The following SVOP variants were observed in gnomAD, a reference collection of about 807,000 sequenced individuals.
The protein encoded by SVOP is synaptic vesicle 2-related protein.
Under a neutral mutation model 69.1 loss-of-function variants are expected in SVOP, and 17 were observed. The observed-to-expected ratio is 0.25, with a 90% CI of 0.17 to 0.37. SVOP has a LOEUF of 0.37. SVOP is among the 10% of genes least tolerant of loss of function. SVOP has a pLI of 1.00. For missense variants in SVOP, 435 were observed against 597.5 expected, an observed-to-expected ratio of 0.73 and a Z score of 2.84; for synonymous variants, 238 against 238.6, an observed-to-expected ratio of 1.00 and a Z score of 0.02.
chr12:108,921,777 T>G (rs2039749644), intron 12 of SVOP, among the ~76,000 whole-genome samples: 1 of 152,192 alleles, frequency 6.6e-6, no homozygotes, highest in Admixed American at 6.5e-5. Flanking sequence ...GAACAGTTTC[T>G]GCTACACTGG....
At position 108,909,301 on chromosome 12, in the gene SVOP, A is replaced by T. The variant is rs938748021; in HGVS notation, c.*3234T>A. On this transcript the variant is annotated 3_prime_UTR_variant, in exon 16 of 16. Coordinates refer to ENST00000610966, the MANE Select transcript of SVOP (RefSeq NM_018711.5). ...GAGGCCAAGGTGGGCGGATCACTTG[A>T]GGTCAGGAGTTTGAGACCAGCCTGA... 2.6e-5 allele frequency: 4 copies of T among 152,168 alleles called. No homozygotes were observed. The highest frequency in any genetic ancestry group is 2.1e-4 in the South Asian group (1 of 4,824). 9.4% of individuals were successfully genotyped at this position (152,168 alleles called of 1,614,324 possible).
At chr12:108,935,943 C>G (rs1331408993) in intron 10 of SVOP, among the ~76,000 whole-genome samples, 1 of 151,806 alleles carries the variant, frequency 6.6e-6, no homozygotes, top group East Asian at 1.9e-4. Flanking sequence ...TCAGTGGTTC[C>G]CAAAATACGT....
intron 1 of SVOP, among the ~76,000 whole-genome samples, chr12:109,007,679 A>G (rs1356075380): frequency 6.6e-6 from 1 of 152,206 alleles, no homozygotes; most frequent in East Asian, 1.9e-4. Flanking sequence ...TGCCAGGTCC[A>G]AGCCTGAGTG....
At chr12:108,949,120 GAGTATTATA>G (rs1415741148) in intron 6 of SVOP, among the ~76,000 whole-genome samples, 5 of 152,078 alleles carry the variant, frequency 3.3e-5, no homozygotes, top group African/African-American at 7.2e-5. Context: ...TTTAGTTATA[GAGTATTATA>G]TGAATGCAAT....
chr12:109,016,942 C>T (rs886888237), intron 1 of SVOP, among the ~76,000 whole-genome samples: 3 of 151,968 alleles, frequency 2.0e-5, no homozygotes, highest in African/African-American at 4.8e-5. Flanking sequence ...AGTAACAGGT[C>T]TCAATATATT....
At chr12:108,933,657 G>A (rs533227569) in intron 11 of SVOP, among the ~76,000 whole-genome samples, 3 of 152,120 alleles carry the variant, frequency 2.0e-5, no homozygotes, top group African/African-American at 7.2e-5. Flanking sequence ...TCCAGCCTGG[G>A]CGACAGAGCA....
At chr12:108,955,441 G>C (rs988934307) in intron 6 of SVOP, among the ~76,000 whole-genome samples, 2 of 152,198 alleles carry the variant, frequency 1.3e-5, no homozygotes, top group African/African-American at 2.4e-5. Context: ...TCCATTAATA[G>C]CCTTTCCTTC....
chr12:108,921,234 A>G (rs1416321425), intron 12 of SVOP, among the ~76,000 whole-genome samples: 4 of 152,132 alleles, frequency 2.6e-5, no homozygotes, highest in South Asian at 2.1e-4. Flanking sequence ...CTTACCTACT[A>G]AGCTGTGTGG....
chr12:108,937,245 G>T lies in SVOP; in HGVS notation c.971+19C>A, dbSNP rs749006050. ...CAGGGAGTGGAAAGGGGTCAAAGTG[G>T]TCAACAAACAGCTCTTACCATATAA... On this transcript the variant is annotated intron_variant, in intron 10 of 15. Transcript: ENST00000610966. 5.6e-6 allele frequency: 9 copies of T among 1,613,582 alleles called. No homozygotes were observed. Among genetic ancestry groups the T allele is most frequent in the Non-Finnish European group, 5.1e-6 (6 of 1,179,656 alleles).
chr12:108,979,298 G>A (rs996617560), intron 2 of SVOP, among the ~76,000 whole-genome samples: 1 of 152,124 alleles, frequency 6.6e-6, no homozygotes, highest in African/African-American at 2.4e-5. Flanking sequence ...GGAACTCGGT[G>A]GTACAATCAT....
Position 108,933,811 on chromosome 12 carries a change from C to A in SVOP, c.1048+384G>T, listed in dbSNP as rs1303696881. 2.0e-5 allele frequency among the ~76,000 whole-genome samples: 3 copies of A among 152,152 alleles called. No individual in the cohort carries two copies. The East Asian group carries it at 5.8e-4, about 29-fold the overall frequency. ...ACAAGAAAATCTGCTCTGTTTTAAT[C>A]CAATAAGGAAAGTCACTTTGAAACA... is the stretch of plus-strand genomic sequence containing the variant. On this transcript the variant is annotated intron_variant, in intron 11 of 15. Transcript: ENST00000610966.
At chr12:108,928,265 CTT>C (rs555669266) in intron 11 of SVOP, among the ~76,000 whole-genome samples, 13 of 151,754 alleles carry the variant, frequency 8.6e-5, no homozygotes. Context: ...TCCTCTGAGT[CTT>C]TTTAAAATTT....
intron 15 of SVOP, 117 bp downstream of exon 15, chr12:108,915,666 T>C (rs1277031801): frequency 5.7e-6 from 6 of 1,048,610 alleles, no homozygotes; most frequent in Non-Finnish European, 1.3e-6. Context: ...TGTGTTGTTA[T>C]GATAAAATGA....
chr12:109,017,883 C>A (rs1283083457), intron 1 of SVOP, among the ~76,000 whole-genome samples: 3 of 151,754 alleles, frequency 2.0e-5, no homozygotes, highest in Non-Finnish European at 4.4e-5. Context: ...ATTTTATATT[C>A]TTTATTATAC....
intron 5 of SVOP, among the ~76,000 whole-genome samples, chr12:108,968,744 T>TTGTGTGTGTGTGTGTGTGTGTGTGTGTG (rs554473073): frequency 2.0e-5 from 3 of 149,660 alleles, no homozygotes; most frequent in African/African-American, 7.4e-5. Flanking sequence ...TGTTTGTCTT[T>TTGTGTGTGTGTGTGTGTGTGTGTGTGTG]TGTGTGTGTG....
rs115051454 is a variant in SVOP at position 108,923,312 on chromosome 12, G to A, written c.1049-515C>T. Among the ~76,000 whole-genome samples the A allele has an allele frequency of 6.3e-3, 964 of 152,198 alleles. 14 individuals are homozygous for A. Among genetic ancestry groups the A allele is most frequent in the African/African-American group, 0.022 (917 of 41,466 alleles). ...ACTGTCTCTTATGCTTTTCCTTGAT[G>A]ACTATGAAGGAGCAAGTGGCCATGT... is the stretch of plus-strand genomic sequence containing the variant. On this transcript the variant is annotated intron_variant, in intron 11 of 15. Transcript: ENST00000610966.
At chr12:108,978,131 A>T (rs139975683) in intron 3 of SVOP, among the ~76,000 whole-genome samples, 197 of 152,278 alleles carry the variant, frequency 1.3e-3, no homozygotes, top group African/African-American at 4.6e-3. Context: ...ATGTAGTTAG[A>T]TCACCATCTC....
At chr12:108,965,150 T>C (rs576440769) in intron 5 of SVOP, among the ~76,000 whole-genome samples, 1 of 152,366 alleles carries the variant, frequency 6.6e-6, no homozygotes, top group African/African-American at 2.4e-5. Flanking sequence ...TTCATGGAAC[T>C]TTCATTTGCA....
chr12:108,982,151 C>A (rs1023995259), intron 2 of SVOP, among the ~76,000 whole-genome samples: 3 of 151,566 alleles, frequency 2.0e-5, no homozygotes, highest in African/African-American at 7.3e-5. Context: ...ATCATCATTG[C>A]CAACCTTATC....
Sources: allele counts gnomAD v4.1 joint callset (sites outside exome capture counted in the v4.1 genomes callset), GRCh38; gene constraint gnomAD v4.1.1; transcripts MANE v1.5; gene names NCBI Gene and HGNC (gene_info 2026-07-23, HGNC 2026-07-21).